TNXB: variants seen among roughly 807,000 people sequenced by gnomAD.
The protein encoded by TNXB is tenascin XB.
TNXB carries 183 observed loss-of-function variants against 340.5 expected under a neutral mutation model. The observed-to-expected ratio is 0.54, with a 90% CI of 0.48 to 0.61. The LOEUF (loss-of-function observed/expected upper bound fraction) is 0.61, where lower values mean the gene tolerates loss of function less well. Among genes scored for constraint, TNXB ranks in the 20% least tolerant of loss-of-function variants. The pLI is 0.00. For missense variants in TNXB, 4,613 were observed against 5,446.4 expected (o/e 0.85, Z 4.82); for synonymous variants, 2,121 against 2,314.5 (o/e 0.92, Z 2.40).
rs1014361614 is a variant in TNXB, at chr6:32,096,387, C to T, written c.1466G>A (p.Gly489Asp). 2 of 1,569,528 alleles carry T rather than the reference C, an allele frequency of 1.3e-6. No individual in the cohort carries two copies. Among genetic ancestry groups the T allele is most frequent in the Non-Finnish European group, 1.7e-6 (2 of 1,165,246 alleles). ...ACAGGCGCGCGTGCCGCAGTCCCGG[C>T]CTGTGTACCCCGGCCAACACATGCA... ...GRCMCWPGYTGRDCGTRACPG... is the reference protein window; with the variant it reads ...GRCMCWPGYTDRDCGTRACPG... The change falls in exon 3 of 44, where the codon GGC becomes GAC. Residue 489 changes from glycine (G) to aspartate (D), a missense_variant. Physicochemically the swap from Gly to Asp is moderately conservative, Grantham distance 94 (BLOSUM62 -1). Transcript: ENST00000644971.
At chr6:32,093,335 CA>C (rs1780165437) in intron 4 of TNXB, 1 of 690,174 alleles carries the variant, frequency 1.4e-6, no homozygotes, top group Non-Finnish European at 2.7e-6. Context: ...ATAACAACAA[CA>C]AAAAAAGATG....
In TNXB at chr6:32,053,503, C is replaced by T. The variant is rs746922501; in HGVS notation, c.8676G>A (p.Gly2892=). 11 of 1,613,510 alleles carry T rather than the reference C, an allele frequency of 6.8e-6. 1 individual carries two copies. The highest frequency in any genetic ancestry group is 4.4e-5 in the South Asian group (4 of 91,074). Reference sequence around the variant, plus strand: ...CTGAGATGGTGACCCCGTCCTCGTGCCCCGGCACCCGCACCACCTTGGGCT... The same window carrying T: ...CTGAGATGGTGACCCCGTCCTCGTGTCCCGGCACCCGCACCACCTTGGGCT... ...DGQPKVVRVP[G]HEDGVTISGL... Residue 2892 remains glycine, a synonymous_variant, in exon 25 of 44, where the codon GGG becomes GGA. Transcript: ENST00000644971.
rs10947231 is a variant in TNXB at position 32,086,569 on chromosome 6, C to A, written c.2780-451G>T. Among the ~76,000 whole-genome samples the A allele has an allele frequency of 0.013, 1,986 of 152,196 alleles. 134 individuals are homozygous for A. The East Asian group carries it at 0.21, about 16-fold the overall frequency. ...AGAGAGAGGGTGTGGGGGTGGACAT[C>A]CAGGTCAGGTGGCATCTGGGCCCTA... On this transcript the variant is annotated intron_variant, in intron 6 of 43. Transcript: ENST00000644971.
chr6:32,105,533 C>G (rs1780935681), intron 1 of TNXB, among the ~76,000 whole-genome samples: 1 of 151,964 alleles, frequency 6.6e-6, no homozygotes, highest in African/African-American at 2.4e-5. Context: ...AACTGGTGCT[C>G]AATAAATATT....
chr6:32,058,393 G>C lies in TNXB; in HGVS notation c.7493-3C>G. On this transcript the variant is annotated splice_region_variant and splice_polypyrimidine_tract_variant and intron_variant, in intron 21 of 43. Coordinates refer to ENST00000644971, the MANE Select transcript of TNXB (RefSeq NM_001365276.2). The surrounding 1 kb of genome is among the most constrained non-coding windows in gnomAD (Gnocchi z 5.1). Reference sequence around the variant, plus strand: ...CTCGTCCACATCCTCTTGTGGGGCTGAAAGGTAATATAGGGGGATACAGAG... The same window carrying C: ...CTCGTCCACATCCTCTTGTGGGGCTCAAAGGTAATATAGGGGGATACAGAG... 6.3e-7 allele frequency: 1 copy of C among 1,596,594 alleles called. No individual in the cohort carries two copies. The highest frequency in any genetic ancestry group is 8.5e-7 in the Non-Finnish European group (1 of 1,171,708).
intron 28 of TNXB, 129 bp from the exon 29 acceptor site, chr6:32,048,779 C>T (rs1777069845): frequency 2.1e-6 from 2 of 955,396 alleles, no homozygotes; most frequent in Non-Finnish European, 2.8e-6. Context: ...GAATCTGTGC[C>T]CTGCATTGCT....
chr6:32,056,834 C>T lies in TNXB; in HGVS notation c.7895G>A (p.Gly2632Glu). 1 of 1,613,006 alleles carries T rather than the reference C, an allele frequency of 6.2e-7. No individual in the cohort carries two copies. Among genetic ancestry groups the T allele is most frequent in the East Asian group, 2.2e-5 (1 of 44,870 alleles). The change falls in exon 23 of 44, where the codon GGG becomes GAG. Residue 2632 changes from glycine (G) to glutamate (E), a missense_variant. By Grantham distance (98) the Gly-to-Glu change is moderately conservative (BLOSUM62 -2). Coordinates refer to ENST00000644971, the MANE Select transcript of TNXB (RefSeq NM_001365276.2). ...GGTGGCATCTGTCATGGTCAGCTCC[C>T]CCAGGCGAGGCTTGATGGGGGGCTC... ...TPEPPIKPRLGELTMTDATPD... is the reference protein window; with the variant it reads ...TPEPPIKPRLEELTMTDATPD...
At chr6:32,054,598 C>T (rs1180618351) in intron 24 of TNXB, among the ~76,000 whole-genome samples, 3 of 152,212 alleles carry the variant, frequency 2.0e-5, no homozygotes, top group South Asian at 2.1e-4. Context: ...CCTGGCTGTC[C>T]CCTGGGTACT....
rs1582435840 is a variant in TNXB, at chr6:32,079,940, C to G, written c.4043-575G>C. ...AGCCCTGTGGGCACCTACCCGCCCCCTACAGTTAGGTCTCTGCTGAGGCTC... is the reference window on the plus strand; with the variant it reads ...AGCCCTGTGGGCACCTACCCGCCCCGTACAGTTAGGTCTCTGCTGAGGCTC... On this transcript the variant is annotated intron_variant, in intron 10 of 43. Coordinates refer to ENST00000644971, the MANE Select transcript of TNXB (RefSeq NM_001365276.2). The surrounding 1 kb of genome is among the most constrained non-coding windows in gnomAD (Gnocchi z 7.1). Among the ~76,000 whole-genome samples the G allele has an allele frequency of 6.6e-6, 1 of 152,226 alleles. No individual in the cohort carries two copies. Among genetic ancestry groups the G allele is most frequent in the African/African-American group, 2.4e-5 (1 of 41,458 alleles).
chr6:32,099,957 A>AC (rs1292323677), intron 1 of TNXB, among the ~76,000 whole-genome samples: 7 of 151,262 alleles, frequency 4.6e-5, no homozygotes, highest in African/African-American at 1.2e-4. Context: ...AAAAAAAAAA[A>AC]AAAAAAAAAA....
intron 23 of TNXB, 117 bp from the exon 24 acceptor site, chr6:32,056,291 C>G: frequency 1.5e-6 from 2 of 1,334,148 alleles, no homozygotes; most frequent in Non-Finnish European, 2.0e-6. Context: ...TTCAGAAAAG[C>G]CCATTCTTGG....
chr6:32,056,080 T>A lies in TNXB; in HGVS notation c.8238A>T (p.Gly2746=). Residue 2746 remains glycine, a synonymous_variant, in exon 24 of 44, where the codon GGA becomes GGT. Coordinates refer to ENST00000644971, the MANE Select transcript of TNXB (RefSeq NM_001365276.2). ...AGAGGCTCAGCGAGTCAGGGGAGGA[T>A]CCTGTCACTGTCAGCTCCCCCAGGA... ...EPLLGELTVT[G]SSPDSLSLSW... The A allele has an allele frequency of 6.2e-7, 1 of 1,612,634 alleles. No homozygotes were observed. The highest frequency in any genetic ancestry group is 8.5e-7 in the Non-Finnish European group (1 of 1,179,828).
At position 32,068,265 on chromosome 6, in the gene TNXB, C is replaced by A; in HGVS notation, c.6220+125G>T. ...CAGGAAGGCCCAAGGGGAGCCCCAG[C>A]CCCAGCCACAAGCAGGTCTGTGGTG... On this transcript the variant is annotated intron_variant, in intron 17 of 43. Transcript: ENST00000644971. The surrounding 1 kb of genome is among the most constrained non-coding windows in gnomAD (Gnocchi z 5.3). 7.2e-7 allele frequency: 1 copy of A among 1,392,580 alleles called. No individual in the cohort carries two copies. The allele number at this position is 1,392,580 out of a possible 1,614,324, so 86.3% of individuals were successfully genotyped here.
rs1206313230 is a variant in TNXB, at chr6:32,082,423, TG to T, written c.3446-98del. On this transcript the variant is annotated intron_variant, in intron 8 of 43. Transcript: ENST00000644971. This position sits in a 1 kb window ranked among gnomAD's most constrained non-coding sequence, Gnocchi z 5.0. ...GAATGCTGTGTGAGGCTGTGCAGGT[TG>T]TTCACTGCACAAAAGTGCATTTGCT... 5 of 1,267,964 alleles carry T rather than the reference TG, an allele frequency of 3.9e-6. No homozygotes were observed. Among genetic ancestry groups the T allele is most frequent in the Non-Finnish European group, 5.4e-6 (5 of 921,408 alleles). 78.5% of individuals were successfully genotyped at this position (1,267,964 alleles called of 1,614,324 possible).
At position 32,042,549 on chromosome 6, in the gene TNXB, C is replaced by G. The variant is rs1422798835; in HGVS notation, c.12116G>C (p.Gly4039Ala). 6.8e-6 allele frequency: 11 copies of G among 1,610,516 alleles called. No individual in the cohort carries two copies. The highest frequency in any genetic ancestry group is 9.3e-6 in the Non-Finnish European group (11 of 1,179,296). ...GAAGATGGTGCTGGTCCTGGAGGCA[C>G]CGGCTCCGTTCTGCATCTCCTCCCC... ...DCGEEMQNGA[G>A]ASRTSTIFLN... is the part of the protein sequence containing the mutation. The change falls in exon 40 of 44, where the codon GGT becomes GCT. Residue 4039 changes from glycine to alanine, a missense_variant. By Grantham distance (60) the Gly-to-Ala change is moderately conservative. Coordinates refer to ENST00000644971, the MANE Select transcript of TNXB (RefSeq NM_001365276.2).
intron 4 of TNXB, chr6:32,093,576 A>G: frequency 1.9e-6 from 1 of 514,070 alleles, no homozygotes; most frequent in Non-Finnish European, 3.5e-6. Flanking sequence ...TTATTTTTAC[A>G]GAGTCCTGGC....
At chr6:32,102,536 CT>C (rs1472768521) in intron 1 of TNXB, among the ~76,000 whole-genome samples, 1 of 152,002 alleles carries the variant, frequency 6.6e-6, no homozygotes, top group Non-Finnish European at 1.5e-5. Flanking sequence ...AAAGAGAATG[CT>C]CTTATACTCT....
chr6:32,102,839 G>C (rs1369150559), intron 1 of TNXB, among the ~76,000 whole-genome samples: 3 of 152,122 alleles, frequency 2.0e-5, no homozygotes. Flanking sequence ...AGAATTGCTT[G>C]AATCCCAGAG....
At position 32,074,982 on chromosome 6, in the gene TNXB, G is replaced by A. The variant is rs997061264; in HGVS notation, c.4376-1030C>T. ...GGCATGATCCTCCACGCCTGACCAG[G>A]ATTACAACTTCATTCTTCCAGCTGC... On this transcript the variant is annotated intron_variant, in intron 11 of 43. Transcript: ENST00000644971. This position sits in a 1 kb window ranked among gnomAD's most constrained non-coding sequence, Gnocchi z 5.5. Among the ~76,000 whole-genome samples, 4 of 152,118 alleles carry A rather than the reference G, an allele frequency of 2.6e-5. No individual in the cohort carries two copies. The highest frequency in any genetic ancestry group is 5.9e-5 in the Non-Finnish European group (4 of 68,006).
Sources: allele counts gnomAD v4.1 joint callset (sites outside exome capture counted in the v4.1 genomes callset), GRCh38; gene constraint gnomAD v4.1.1; non-coding constraint Gnocchi (gnomAD v3.1); transcripts MANE v1.5; gene names NCBI Gene and HGNC (gene_info 2026-07-23, HGNC 2026-07-21).